FUT8: variants seen among roughly 807,000 people sequenced by gnomAD.
The protein encoded by FUT8 is alpha-(1,6)-fucosyltransferase.
Under a neutral mutation model 71.3 loss-of-function variants are expected in FUT8, and 29 were observed. That is an observed-to-expected ratio of 0.41 (90% CI 0.30 to 0.55). FUT8 has a LOEUF of 0.55. Among genes scored for constraint, FUT8 ranks in the 20% least tolerant of loss-of-function variants. The pLI, the probability that FUT8 is intolerant of heterozygous loss-of-function variation, is 0.34. For missense variants in FUT8, 544 were observed against 702.1 expected (o/e 0.77, Z 2.55); for synonymous variants, 254 against 239.3 (o/e 1.06, Z -0.57).
intron 8 of FUT8, among the ~76,000 whole-genome samples, chr14:65,722,564 G>C (rs576491240): frequency 6.6e-6 from 1 of 152,292 alleles, no homozygotes; most frequent in East Asian, 1.9e-4. Context: ...ACGTAAAGAA[G>C]GTACATGTGA....
At position 65,742,571 on chromosome 14, in the gene FUT8, C is replaced by T. The variant is rs1896558327; in HGVS notation, c.*161C>T. 3.1e-5 allele frequency: 19 copies of T among 622,614 alleles called. No homozygotes were observed. The East Asian group carries it at 5.2e-4, about 17-fold the overall frequency. 38.6% of individuals were successfully genotyped at this position (622,614 alleles called of 1,614,324 possible). On this transcript the variant is annotated 3_prime_UTR_variant, in exon 11 of 11. Coordinates refer to ENST00000673929, the MANE Select transcript of FUT8 (RefSeq NM_001371533.1). ...AGCAGCTGGGAACTGACATAGGCTT[C>T]AATTGGTGGAATTCCTCTTTAACAA...
At chr14:65,741,276 G>A (rs1178712670) in intron 10 of FUT8, among the ~76,000 whole-genome samples, 1 of 151,690 alleles carries the variant, frequency 6.6e-6, no homozygotes, top group Non-Finnish European at 1.5e-5. Flanking sequence ...TTCCTCAAAG[G>A]CTTGCCCAGT....
At chr14:65,579,952 A>T (rs1206331606) in intron 3 of FUT8, among the ~76,000 whole-genome samples, 1 of 152,016 alleles carries the variant, frequency 6.6e-6, no homozygotes, top group South Asian at 2.1e-4. Flanking sequence ...GTAATACCCT[A>T]TTCTGATCCT....
chr14:65,601,976 T>A (rs1231836423), intron 3 of FUT8, among the ~76,000 whole-genome samples: 3 of 152,180 alleles, frequency 2.0e-5, no homozygotes, highest in African/African-American at 4.8e-5. Context: ...TGATGGTTTT[T>A]AAAAAAATTT....
chr14:65,681,913 T>C (rs1893057952), intron 7 of FUT8, among the ~76,000 whole-genome samples: 1 of 152,182 alleles, frequency 6.6e-6, no homozygotes, highest in Admixed American at 6.5e-5. Context: ...CCTTTAAATA[T>C]TGTGCTCAGG....
intron 1 of FUT8, among the ~76,000 whole-genome samples, chr14:65,432,607 T>C (rs148836278): frequency 1.3e-5 from 2 of 152,192 alleles, no homozygotes; most frequent in Admixed American, 1.3e-4. Context: ...AGTCACAGGA[T>C]GAGATAGGAG....
chr14:65,443,192 C>T (rs1242488781), intron 1 of FUT8, among the ~76,000 whole-genome samples: 2 of 151,812 alleles, frequency 1.3e-5, no homozygotes, highest in African/African-American at 4.8e-5. Context: ...GGGTGGATCA[C>T]GAGGTTAGGA....
intron 2 of FUT8, among the ~76,000 whole-genome samples, chr14:65,493,349 T>C (rs1234340826): frequency 6.6e-6 from 1 of 152,124 alleles, no homozygotes; most frequent in Non-Finnish European, 1.5e-5. Context: ...TAGTCCCAAA[T>C]GACCACCTTC....
chr14:65,577,692 T>C (rs746607037), intron 3 of FUT8, among the ~76,000 whole-genome samples: 2 of 152,162 alleles, frequency 1.3e-5, no homozygotes, highest in Non-Finnish European at 2.9e-5. Context: ...TCAGAATGAT[T>C]GCTCACCCTG....
intron 2 of FUT8, among the ~76,000 whole-genome samples, chr14:65,493,248 C>T (rs1477276545): frequency 2.6e-5 from 4 of 152,020 alleles, no homozygotes; most frequent in African/African-American, 7.2e-5. Context: ...TTACAGAATC[C>T]CAGACTTAGC....
intron 3 of FUT8, among the ~76,000 whole-genome samples, chr14:65,615,010 G>A (rs1889208502): frequency 6.6e-6 from 1 of 152,156 alleles, no homozygotes; most frequent in Non-Finnish European, 1.5e-5. Context: ...AAGAGATCTT[G>A]GATTGCTGTT....
At chr14:65,431,162 A>AT (rs34255715) in intron 1 of FUT8, among the ~76,000 whole-genome samples, 46,137 of 127,060 alleles carry the variant, frequency 0.36, 9,734 homozygotes, top group Non-Finnish European at 0.5. Flanking sequence ...TACCCGGCTA[A>AT]TTTTTTTTTT....
At chr14:65,456,907 A>T (rs2065901571) in intron 2 of FUT8, among the ~76,000 whole-genome samples, 1 of 151,728 alleles carries the variant, frequency 6.6e-6, no homozygotes, top group Non-Finnish European at 1.5e-5. Context: ...GCATTGATGC[A>T]TGTTAGGTGT....
chr14:65,366,963 G>A, the FUT8 span, among the ~76,000 whole-genome samples: 1 of 152,150 alleles, frequency 6.6e-6, no homozygotes, highest in African/African-American at 2.4e-5. Flanking sequence ...AGAGAAAAGC[G>A]AAGAGCTGAG....
chr14:65,464,169 TACAG>T (rs926165611), intron 2 of FUT8, among the ~76,000 whole-genome samples: 1 of 152,138 alleles, frequency 6.6e-6, no homozygotes, highest in African/African-American at 2.4e-5. Context: ...TGTAATTTCT[TACAG>T]AGAGTTCCCA....
intron 3 of FUT8, among the ~76,000 whole-genome samples, chr14:65,611,299 A>ACCCC (rs1566851583): frequency 2.0e-5 from 1 of 49,642 alleles, no homozygotes; most frequent in African/African-American, 1.1e-4. Context: ...ACACACACAC[A>ACCCC]CACCCCCCAA....
chr14:65,693,900 C>T (rs1434616106), intron 7 of FUT8, among the ~76,000 whole-genome samples: 1 of 152,132 alleles, frequency 6.6e-6, no homozygotes, highest in Non-Finnish European at 1.5e-5. Flanking sequence ...ACCAAATTCT[C>T]CTTGTGTGAA....
chr14:65,512,655 A>T (rs1253613075), intron 2 of FUT8, among the ~76,000 whole-genome samples: 1 of 152,090 alleles, frequency 6.6e-6, no homozygotes, highest in Non-Finnish European at 1.5e-5. Flanking sequence ...TCATGCCTGT[A>T]ATCCCAGCAC....
intron 2 of FUT8, among the ~76,000 whole-genome samples, 170 bp downstream of exon 2, chr14:65,455,888 C>T (rs1020414403): frequency 1.3e-5 from 2 of 152,134 alleles, no homozygotes; most frequent in South Asian, 2.1e-4. Flanking sequence ...TTTCTTACTG[C>T]CTACTATATA....
Sources: gnomAD v4.1 joint callset for allele counts (sites outside exome capture counted in the v4.1 genomes callset) on GRCh38, gnomAD v4.1.1 for gene constraint, MANE v1.5 for transcripts, NCBI Gene and HGNC (gene_info 2026-07-23, HGNC 2026-07-21) for gene names.